Variants in BIN3 observed in about 807,000 individuals in gnomAD.
BIN3 encodes bridging integrator 3.
In BIN3, 41 loss-of-function variants were observed where a neutral mutation model predicts 38.2. That is an observed-to-expected ratio of 1.07 (90% CI 0.84 to 1.39). BIN3 has a LOEUF of 1.39. Among genes scored for constraint, BIN3 ranks in the 40% most tolerant of loss-of-function variants. The pLI, the probability that BIN3 is intolerant of heterozygous loss-of-function variation, is 0.00. For synonymous variants in BIN3, 145 were observed against 122.6 expected (o/e 1.18, Z -1.21); for missense variants, 361 against 324.3 (o/e 1.11, Z -0.87).
chr8:22,650,417 A>G (rs1241978066), intron 1 of BIN3, among the ~76,000 whole-genome samples: 1 of 152,204 alleles, frequency 6.6e-6, no homozygotes, highest in Admixed American at 6.5e-5. Context: ...GTGAAATCAA[A>G]TCTACTAAAT....
Position 22,648,245 on chromosome 8 carries a change from A to G in BIN3, c.9-3442T>C, listed in dbSNP as rs1386282792. Among the ~76,000 whole-genome samples the G allele has an allele frequency of 2.0e-5, 3 of 152,068 alleles. No homozygotes were observed. In the South Asian group the frequency reaches 6.2e-4, roughly 31 times the overall value. On this transcript the variant is annotated intron_variant, in intron 1 of 8. Transcript: ENST00000276416. ...TTAACATCTGATATTGGTGTGGTAC[A>G]TTGGTCACAAACAATGAACCAACAG...
At chr8:22,658,098 G>A (rs1194736443) in intron 1 of BIN3, among the ~76,000 whole-genome samples, 4 of 152,246 alleles carry the variant, frequency 2.6e-5, no homozygotes, top group Non-Finnish European at 4.4e-5. Context: ...GAAATTAAGA[G>A]GGTTCTGCGC....
At chr8:22,623,719 G>A (rs535232053) in intron 8 of BIN3, among the ~76,000 whole-genome samples, 196 bp downstream of exon 8, 1 of 152,340 alleles carries the variant, frequency 6.6e-6, no homozygotes, top group South Asian at 2.1e-4. Flanking sequence ...GCAATGTGAG[G>A]AGTCTAACAG....
chr8:22,636,618 C>G (rs1186072355), intron 3 of BIN3, 32 bp from the exon 4 acceptor site: 1 of 1,548,804 alleles, frequency 6.5e-7, no homozygotes, highest in Non-Finnish European at 8.7e-7. Context: ...GCTTGGGGTC[C>G]CCTTCCTTCC....
At chr8:22,633,065 ACTGAGTGGG>A (rs1295508636) in intron 4 of BIN3, among the ~76,000 whole-genome samples, 3 of 152,128 alleles carry the variant, frequency 2.0e-5, no homozygotes, top group Non-Finnish European at 4.4e-5. Flanking sequence ...AAGTCAAGGA[ACTGAGTGGG>A]CTCAGTGGCC....
chr8:22,637,058 T>A lies in BIN3; in HGVS notation c.58-96A>T. 5.3e-6 allele frequency: 6 copies of A among 1,121,636 alleles called. No homozygotes were observed. The South Asian group carries it at 6.6e-5, about 12-fold the overall frequency. 69.5% of individuals were successfully genotyped at this position (1,121,636 alleles called of 1,614,324 possible). On this transcript the variant is annotated intron_variant, in intron 2 of 8. Coordinates refer to ENST00000276416, the MANE Select transcript of BIN3 (RefSeq NM_018688.6). ...AAACTCTCTCCACACCCTGCCCCAG[T>A]CCGCAGAAAACAACATGGTCCAGTT...
rs147457527 is a variant in BIN3 at position 22,636,506 on chromosome 8, C to T, written c.160+19G>A. On this transcript the variant is annotated intron_variant, in intron 4 of 8. Transcript: ENST00000276416. Reference sequence around the variant, plus strand: ...GCCCCACCTGCTCAAGCGAGTGGTGCGGGTGGAAAGTCACCTACCCAGGTC... The same window carrying T: ...GCCCCACCTGCTCAAGCGAGTGGTGTGGGTGGAAAGTCACCTACCCAGGTC... 4.8e-4 allele frequency: 746 copies of T among 1,551,260 alleles called. 7 individuals carry two copies. In the African/African-American group the frequency reaches 8.7e-3, roughly 18 times the overall value.
chr8:22,633,588 A>G lies in BIN3; in HGVS notation c.160+2937T>C, dbSNP rs1162135311. ...TGAAAGAAAGGTCATCTTTTTTAGAATAACTGGGGATTTTCCACCTTGCTG... is the reference window on the plus strand; with the variant it reads ...TGAAAGAAAGGTCATCTTTTTTAGAGTAACTGGGGATTTTCCACCTTGCTG... On this transcript the variant is annotated intron_variant, in intron 4 of 8. Coordinates refer to ENST00000276416, the MANE Select transcript of BIN3 (RefSeq NM_018688.6). Among the ~76,000 whole-genome samples, 3 of 152,250 alleles carry G rather than the reference A, an allele frequency of 2.0e-5. No individual in the cohort carries two copies. In the East Asian group the frequency reaches 5.8e-4, roughly 29 times the overall value.
intron 1 of BIN3, among the ~76,000 whole-genome samples, chr8:22,652,683 A>C (rs1285853654): frequency 6.6e-6 from 1 of 152,268 alleles, no homozygotes; most frequent in East Asian, 1.9e-4. Context: ...AGAAAATTAC[A>C]AATATACAAA....
rs753641641 is a variant in BIN3, at chr8:22,623,896, G to A, written c.615+19C>T. 1 of 1,609,760 alleles carries A rather than the reference G, an allele frequency of 6.2e-7. No homozygotes were observed. The highest frequency in any genetic ancestry group is 1.1e-5 in the South Asian group (1 of 90,362). ...GCTGTGTATACCAAGCCCAGGGGAA[G>A]AGCACCTGGCGGCCTCACCTGAGCT... On this transcript the variant is annotated intron_variant, in intron 8 of 8. Transcript: ENST00000276416.
At chr8:22,621,718 G>A in intron 8 of BIN3, 150 bp from the exon 9 acceptor site, 2 of 842,744 alleles carry the variant, frequency 2.4e-6, no homozygotes, top group Non-Finnish European at 3.6e-6. Flanking sequence ...GGGCACGGAA[G>A]GGCTCTAGCT....
intron 1 of BIN3, among the ~76,000 whole-genome samples, chr8:22,656,564 T>G (rs1359669903): frequency 6.6e-6 from 1 of 152,238 alleles, no homozygotes; most frequent in Non-Finnish European, 1.5e-5. Context: ...TACACCTATT[T>G]ATTGCCTTAT....
At chr8:22,658,977 C>A (rs1307007105) in intron 1 of BIN3, among the ~76,000 whole-genome samples, 1 of 152,238 alleles carries the variant, frequency 6.6e-6, no homozygotes, top group East Asian at 1.9e-4. Flanking sequence ...CCCCCGGGGC[C>A]TTCTGTTACT....
In BIN3 at chr8:22,621,388, C is replaced by G; in HGVS notation, c.*34G>C. 1 of 1,597,812 alleles carries G rather than the reference C, an allele frequency of 6.3e-7. No homozygotes were observed. The highest frequency in any genetic ancestry group is 8.5e-7 in the Non-Finnish European group (1 of 1,172,108). The stretch of plus-strand genomic sequence containing the variant: ...AAGGGCAAGGATGAATGAGGCTGAC[C>G]ACGTCACAGGAGTCCTCCAAGAGTG... On this transcript the variant is annotated 3_prime_UTR_variant, in exon 9 of 9. Transcript: ENST00000276416.
intron 6 of BIN3, 136 bp from the exon 7 acceptor site, chr8:22,624,499 T>A: frequency 4.2e-6 from 5 of 1,196,804 alleles, no homozygotes. Context: ...CACTCACTTG[T>A]CCAAAAATGT....
At chr8:22,636,702 A>T in intron 3 of BIN3, 116 bp from the exon 4 acceptor site, 1 of 1,189,754 alleles carries the variant, frequency 8.4e-7, no homozygotes. Context: ...CTCCACGGGG[A>T]CTTTTCCCGC....
intron 1 of BIN3, among the ~76,000 whole-genome samples, chr8:22,646,458 T>C (rs1304658491): frequency 6.6e-6 from 1 of 152,130 alleles, no homozygotes; most frequent in Non-Finnish European, 1.5e-5. Flanking sequence ...CAACACACTG[T>C]TGCTAAACCC....
At position 22,641,883 on chromosome 8, in the gene BIN3, C is replaced by T. The variant is rs574391672; in HGVS notation, c.57+2872G>A. Reference sequence around the variant, plus strand: ...AGGAAGGTGTGGCGGCTTCTTCCTACGCTACGATGCTCCCGCCACTTTATG... The same window carrying T: ...AGGAAGGTGTGGCGGCTTCTTCCTATGCTACGATGCTCCCGCCACTTTATG... On this transcript the variant is annotated intron_variant, in intron 2 of 8. Coordinates refer to ENST00000276416, the MANE Select transcript of BIN3 (RefSeq NM_018688.6). Among the ~76,000 whole-genome samples the T allele has an allele frequency of 2.8e-4, 43 of 152,232 alleles. No individual in the cohort carries two copies. The South Asian group carries it at 5.4e-3, about 19-fold the overall frequency.
chr8:22,668,422 T>G (rs1803497129), intron 1 of BIN3, among the ~76,000 whole-genome samples: 1 of 152,246 alleles, frequency 6.6e-6, no homozygotes, highest in South Asian at 2.1e-4. Flanking sequence ...CCCATAAGTT[T>G]AAACTTAACC....
Sources: gnomAD v4.1 joint callset for allele counts (sites outside exome capture counted in the v4.1 genomes callset) on GRCh38, gnomAD v4.1.1 for gene constraint, MANE v1.5 for transcripts, NCBI Gene and HGNC (gene_info 2026-07-23, HGNC 2026-07-21) for gene names.